TIMM22: variants seen among roughly 807,000 people sequenced by gnomAD.
The protein encoded by TIMM22 is translocase of inner mitochondrial membrane 22.
TIMM22 carries 12 observed loss-of-function variants against 18.3 expected under a neutral mutation model. The observed-to-expected ratio is 0.65, with a 90% CI of 0.42 to 1.06. TIMM22 has a LOEUF of 1.06. TIMM22 is among the 50% of genes least tolerant of loss of function. TIMM22 has a pLI of 0.00. For synonymous variants in TIMM22, 107 were observed against 98.5 expected (o/e 1.09, Z -0.51); for missense variants, 278 against 252.8 (o/e 1.10, Z -0.68).
At chr17:997,814 AAAC>A (rs775186872) in intron 1 of TIMM22, among the ~76,000 whole-genome samples, 4 of 152,216 alleles carry the variant, frequency 2.6e-5, no homozygotes, top group Non-Finnish European at 5.9e-5. Context: ...TCCGTCTCAA[AAAC>A]AACAACAAAA....
chr17:997,412 T>C, intron 1 of TIMM22, 32 bp downstream of exon 1: 1 of 1,599,964 alleles, frequency 6.3e-7, no homozygotes, highest in Non-Finnish European at 8.5e-7. Flanking sequence ...CTTGGGAGGC[T>C]GAGGGCCTGG....
chr17:999,124 A>G (rs1225711726), intron 2 of TIMM22, 149 bp downstream of exon 2: 3 of 821,178 alleles, frequency 3.7e-6, no homozygotes, highest in South Asian at 2.0e-5. Flanking sequence ...CTTCCATAAA[A>G]TAGTCCCTGT....
chr17:997,823 C>CA (rs1488307439), intron 1 of TIMM22, among the ~76,000 whole-genome samples: 1 of 152,162 alleles, frequency 6.6e-6, no homozygotes, highest in East Asian at 1.9e-4. Context: ...AAAACAACAA[C>CA]AAAAAGTTAT....
Position 1,001,142 on chromosome 17 carries a change from T to C in TIMM22, c.*54T>C, listed in dbSNP as rs1170356497. 12 of 1,586,676 alleles carry C rather than the reference T, an allele frequency of 7.6e-6. No homozygotes were observed. The highest frequency in any genetic ancestry group is 1.3e-5 in the African/African-American group (1 of 74,316). ...CCAGCCCCGGATCCGGGCTGCTCTC[T>C]GGAGGACAGTTTCTGTACCACACCA... is the stretch of plus-strand genomic sequence containing the variant. On this transcript the variant is annotated 3_prime_UTR_variant, in exon 4 of 4. Transcript: ENST00000327158.
Position 998,811 on chromosome 17 carries a change from A to G in TIMM22, c.271A>G (p.Thr91Ala). Residue 91 changes from threonine to alanine, a missense_variant, in exon 2 of 4, where the codon ACC becomes GCC. Thr to Ala is a moderately conservative substitution (Grantham distance 58, BLOSUM62 0). Transcript: ENST00000327158. ...CTTAGGAGGTGCATTTGGGGTGTTT[A>G]CCGCTGGCATCGATACCAACGTGGG... Reference protein sequence around the residue: ...FVLGGAFGVFTAGIDTNVGFD... With the variant: ...FVLGGAFGVFAAGIDTNVGFD... 2 of 1,614,052 alleles carry G rather than the reference A, an allele frequency of 1.2e-6. No homozygotes were observed. The highest frequency in any genetic ancestry group is 1.3e-5 in the African/African-American group (1 of 75,030).
In TIMM22 at chr17:1,003,145, C is replaced by A; in HGVS notation, c.*2057C>A. The A allele has an allele frequency of 6.6e-6, 1 of 152,304 alleles. No individual in the cohort carries two copies. Among genetic ancestry groups the A allele is most frequent in the African/African-American group, 2.4e-5 (1 of 41,572 alleles). The allele number at this position is 152,304 out of a possible 1,614,324, so 9.4% of individuals were successfully genotyped here. On this transcript the variant is annotated 3_prime_UTR_variant, in exon 4 of 4. Transcript: ENST00000327158. ...AAAAGGCTGCCTCAAAGATATGCCA[C>A]TTTGAAGGAAAGCGTAGAGAAGCGT...
chr17:999,670 G>A, intron 3 of TIMM22, 86 bp downstream of exon 3: 1 of 1,253,184 alleles, frequency 8.0e-7, no homozygotes, highest in Non-Finnish European at 1.1e-6. Context: ...GAGTGTTCCA[G>A]GGACACTTGA....
At chr17:1,000,329 CAA>C (rs59329011) in intron 3 of TIMM22, among the ~76,000 whole-genome samples, 113,745 of 137,650 alleles carry the variant, frequency 0.83, 46,366 homozygotes, top group African/African-American at 0.89. Context: ...TTATCAGCTG[CAA>C]AAAAAAAAAA....
chr17:998,983 T>A lies in TIMM22; in HGVS notation c.435+8T>A, dbSNP rs927674256. ...GAGTGTTTGATAGAATCTGTAAGTG[T>A]CTCTGCCTTCTAAGAAATCCTTGCT... On this transcript the variant is annotated splice_region_variant and intron_variant, in intron 2 of 3. Transcript: ENST00000327158. 6.9e-6 allele frequency: 11 copies of A among 1,598,072 alleles called. No homozygotes were observed. The highest frequency in any genetic ancestry group is 8.6e-6 in the Non-Finnish European group (10 of 1,168,994).
chr17:999,361 A>ACG (rs2069719666), intron 2 of TIMM22, 151 bp from the exon 3 acceptor site: 5 of 314,010 alleles, frequency 1.6e-5, no homozygotes, highest in Non-Finnish European at 2.9e-5. Context: ...ATATATATAC[A>ACG]CGCTGTATAC....
Position 997,144 on chromosome 17 carries a change from T to TGGC in TIMM22, c.9_11dup (p.Ala5dup). ...AGGGTTGCTTGGGCAGCGACTGTCA[T>TGGC]GGCGGCGGCCGCCCCCAATGCCGGA... is the stretch of plus-strand genomic sequence containing the variant. On this transcript the variant is annotated inframe_insertion, in exon 1 of 4. Coordinates refer to ENST00000327158, the MANE Select transcript of TIMM22 (RefSeq NM_013337.4). The TGGC allele has an allele frequency of 6.2e-7, 1 of 1,608,640 alleles. No homozygotes were observed. The highest frequency in any genetic ancestry group is 8.5e-7 in the Non-Finnish European group (1 of 1,178,776).
chr17:999,904 T>A (rs1169036073), intron 3 of TIMM22, among the ~76,000 whole-genome samples: 1 of 148,546 alleles, frequency 6.7e-6, no homozygotes, highest in Admixed American at 6.7e-5. Flanking sequence ...TGTAACAACT[T>A]TTTTTTTTTT....
rs1370297769 is a variant in TIMM22 at position 1,001,894 on chromosome 17, G to A, written c.*806G>A. On this transcript the variant is annotated 3_prime_UTR_variant, in exon 4 of 4. Transcript: ENST00000327158. ...TCCATGAACTCGATGGGCCCCTCCT[G>A]TGCCGGCCGAGAGGCACACACTGCC... The A allele has an allele frequency of 6.6e-6, 1 of 152,130 alleles. No homozygotes were observed. Among genetic ancestry groups the A allele is most frequent in the Non-Finnish European group, 1.5e-5 (1 of 68,064 alleles). The allele number at this position is 152,130 out of a possible 1,614,324, so 9.4% of individuals were successfully genotyped here. A position where few individuals can be genotyped will look rare whatever the true frequency, so the allele number is the denominator to read the frequency against.
intron 2 of TIMM22, among the ~76,000 whole-genome samples, 154 bp from the exon 3 acceptor site, chr17:999,358 T>TATATATATATATATATATACATATATAC (rs1408779709): frequency 1.1e-4 from 14 of 132,576 alleles, no homozygotes; most frequent in African/African-American, 3.8e-4. Flanking sequence ...TATATATATA[T>TATATATATATATATATATACATATATAC]ACACGCTGTA....
At chr17:997,463 G>C in intron 1 of TIMM22, 83 bp downstream of exon 1, 1 of 1,385,842 alleles carries the variant, frequency 7.2e-7, no homozygotes, top group South Asian at 1.3e-5. Flanking sequence ...ACGCGCCTGG[G>C]AGGCGAGGGA....
At chr17:999,405 C>T in intron 2 of TIMM22, 107 bp from the exon 3 acceptor site, 1 of 829,430 alleles carries the variant, frequency 1.2e-6, no homozygotes, top group Non-Finnish European at 1.8e-6. Flanking sequence ...GATTAGGTTT[C>T]CTTTGGGTAG....
chr17:999,617 G>C, intron 3 of TIMM22, 33 bp downstream of exon 3: 1 of 1,607,706 alleles, frequency 6.2e-7, no homozygotes. Flanking sequence ...CTTTTTCTTT[G>C]TGGCCTTGGA....
rs57081954 is a variant in TIMM22, at chr17:999,323, C to CTATATATATATATA, written c.436-166_436-153dup. 2.4e-3 allele frequency among the ~76,000 whole-genome samples: 288 copies of CTATATATATATATA among 120,430 alleles called. 1 individual carries two copies. Among genetic ancestry groups the CTATATATATATATA allele is most frequent in the African/African-American group, 4.2e-3 (112 of 26,708 alleles). The allele number at this position is 120,430 out of a possible 152,430, so 79.0% of individuals were successfully genotyped here. ...TGCAGGAAGCATCTATGAACGCATA[C>CTATATATATATATA]TATATATATATATATATATATATAT... On this transcript the variant is annotated intron_variant, in intron 2 of 3. Transcript: ENST00000327158.
chr17:998,294 T>C (rs2069705398), intron 1 of TIMM22, among the ~76,000 whole-genome samples: 1 of 152,190 alleles, frequency 6.6e-6, no homozygotes, highest in South Asian at 2.1e-4. Flanking sequence ...TAGGTAGCTG[T>C]GTGGCCTTGG....
Sources: allele counts gnomAD v4.1 joint callset (sites outside exome capture counted in the v4.1 genomes callset), GRCh38; gene constraint gnomAD v4.1.1; transcripts MANE v1.5; gene names NCBI Gene and HGNC (gene_info 2026-07-23, HGNC 2026-07-21).